BTN3A2: variants seen among roughly 807,000 people sequenced by gnomAD.
The protein encoded by BTN3A2 is butyrophilin subfamily 3 member A2.
BTN3A2 carries 25 observed loss-of-function variants against 37.6 expected under a neutral mutation model. The ratio of observed to expected loss-of-function variants is 0.66; its 90% confidence interval spans 0.48 to 0.93. The LOEUF (loss-of-function observed/expected upper bound fraction) is 0.93, where lower values mean the gene tolerates loss of function less well. BTN3A2 is among the 40% of genes least tolerant of loss of function. The pLI is 0.00. For missense variants in BTN3A2, 266 were observed against 410.9 expected (o/e 0.65, Z 3.05); for synonymous variants, 122 against 159.4 (o/e 0.77, Z 1.77).
chr6:26,374,336 A>G lies in BTN3A2; in HGVS notation c.974A>G (p.Glu325Gly), dbSNP rs144958425. The change falls in exon 9 of 11, where the codon GAG becomes GGG. Residue 325 changes from glutamate to glycine, a missense_variant. Physicochemically the swap from Glu to Gly is moderately conservative, Grantham distance 98 (BLOSUM62 -2). Coordinates refer to ENST00000377708, the MANE Select transcript of BTN3A2 (RefSeq NM_007047.5). ...CTTTCTTTCATTGTAGGTGGAGAGGAGTCTTCGTCCGATACCAATAAGTCA... is the reference window on the plus strand; with the variant it reads ...CTTTCTTTCATTGTAGGTGGAGAGGGGTCTTCGTCCGATACCAATAAGTCA... Reference protein sequence around the residue: ...KKIQYLTRGEESSSDTNKSA With the variant: ...KKIQYLTRGEGSSSDTNKSA 1.1e-5 allele frequency: 17 copies of G among 1,610,038 alleles called. No individual in the cohort carries two copies. In the African/African-American group the frequency reaches 1.9e-4, roughly 18 times the overall value.
intron 8 of BTN3A2, 78 bp downstream of exon 8, chr6:26,373,491 A>G: frequency 6.5e-7 from 1 of 1,527,720 alleles, no homozygotes; most frequent in East Asian, 2.3e-5. Flanking sequence ...CCCATAAGTC[A>G]TAGCCCAGGG....
In BTN3A2 at chr6:26,372,916, C is replaced by A; in HGVS notation, c.735C>A (p.Ala245=). 6.2e-7 allele frequency: 1 copy of A among 1,613,672 alleles called. No homozygotes were observed. The highest frequency in any genetic ancestry group is 2.2e-5 in the East Asian group (1 of 44,900). ...ISIADPFFRS[A]QPWIAALAGT... ...TCGCAGACCCCTTCTTCAGGAGCGC[C>A]CAGCCCTGGATCGCAGCCCTGGCAG... is the stretch of plus-strand genomic sequence containing the variant. Residue 245 remains alanine (A), a synonymous_variant, in exon 6 of 11, where the codon GCC becomes GCA. Transcript: ENST00000377708.
intron 9 of BTN3A2, 117 bp downstream of exon 9, chr6:26,374,490 G>A: frequency 8.6e-7 from 1 of 1,168,054 alleles, no homozygotes; most frequent in Non-Finnish European, 1.3e-6. Flanking sequence ...TGTGTGGTGG[G>A]GGTTCACCTC....
chr6:26,369,999 G>C (rs536712451), intron 4 of BTN3A2, among the ~76,000 whole-genome samples: 15 of 152,318 alleles, frequency 9.8e-5, no homozygotes, highest in African/African-American at 2.9e-4. Flanking sequence ...TTACCCTCAG[G>C]CTGGCTGCAT....
At chr6:26,371,661 TTC>T (rs1358267387) in intron 5 of BTN3A2, among the ~76,000 whole-genome samples, 1 of 152,088 alleles carries the variant, frequency 6.6e-6, no homozygotes, top group Non-Finnish European at 1.5e-5. Context: ...TGTGAAAGGT[TTC>T]TGTTTTTCGT....
Position 26,365,285 on chromosome 6 carries a change from G to T in BTN3A2, c.-134G>T. 6.5e-7 allele frequency: 1 copy of T among 1,531,812 alleles called. No individual in the cohort carries two copies. Among genetic ancestry groups the T allele is most frequent in the Non-Finnish European group, 8.7e-7 (1 of 1,143,062 alleles). 94.9% of individuals were successfully genotyped at this position (1,531,812 alleles called of 1,614,324 possible). A position where few individuals can be genotyped will look rare whatever the true frequency, so the allele number is the denominator to read the frequency against. On this transcript the variant is annotated 5_prime_UTR_variant, in exon 1 of 11. Coordinates refer to ENST00000377708, the MANE Select transcript of BTN3A2 (RefSeq NM_007047.5). Reference sequence around the variant, plus strand: ...ATGAGAGGCTAAGCCATAATAGAAAGAATGGAGAATTATTGATTGACCGTC... The same window carrying T: ...ATGAGAGGCTAAGCCATAATAGAAATAATGGAGAATTATTGATTGACCGTC...
Position 26,376,725 on chromosome 6 carries a change from ATGT to A in BTN3A2, c.*964_*966del. ...CTGTGTGCTTGGCTGTGAAAGCTTC[ATGT>A]CAGAGAGACACTACTGGGAGGTGGA... On this transcript the variant is annotated 3_prime_UTR_variant, in exon 11 of 11. Transcript: ENST00000377708. 9 of 1,585,992 alleles carry A rather than the reference ATGT, an allele frequency of 5.7e-6. No homozygotes were observed. Among genetic ancestry groups the A allele is most frequent in the Middle Eastern group, 1.7e-4 (1 of 5,994 alleles).
Position 26,373,402 on chromosome 6 carries a change from A to C in BTN3A2, c.953A>C (p.Gln318Pro). The change falls in exon 8 of 11, where the codon CAG becomes CCG. Residue 318 changes from glutamine (Q) to proline (P), a missense_variant. Coordinates refer to ENST00000377708, the MANE Select transcript of BTN3A2 (RefSeq NM_007047.5). Reference sequence around the variant, plus strand: ...TCCATTGCAGAGAGGAAAAAAATCCAGTACTTGACTCGTGAGTGGCTTTGA... The same window carrying C: ...TCCATTGCAGAGAGGAAAAAAATCCCGTACTTGACTCGTGAGTGGCTTTGA... ...LQEELKRKKI[Q>P]YLTRGEESSS... 6.2e-7 allele frequency: 1 copy of C among 1,601,256 alleles called. No homozygotes were observed. The highest frequency in any genetic ancestry group is 8.5e-7 in the Non-Finnish European group (1 of 1,176,588).
In BTN3A2 at chr6:26,368,669, G is replaced by T. The variant is rs1301412314; in HGVS notation, c.190G>T (p.Glu64Ter). Reference protein sequence around the residue: ...LFPTMSAETMELKWVSSSLRQ... With the variant: ...LFPTMSAETM The stretch of plus-strand genomic sequence containing the variant: ...CCCGACCATGAGTGCAGAGACCATG[G>T]AGCTGAAGTGGGTAAGTTCCAGCCT... The change falls in exon 4 of 11, where the codon GAG (glutamate) becomes TAG (stop). Residue 64 changes from glutamate (E) to a stop codon, truncating the protein, a stop_gained. Coordinates refer to ENST00000377708, the MANE Select transcript of BTN3A2 (RefSeq NM_007047.5). LOFTEE classifies it high-confidence loss of function. 6.2e-7 allele frequency: 1 copy of T among 1,614,078 alleles called. No homozygotes were observed. Among genetic ancestry groups the T allele is most frequent in the South Asian group, 1.1e-5 (1 of 91,084 alleles).
chr6:26,373,237 CTTTTTTTTTTTTTT>C (rs750198408), intron 6 of BTN3A2, 25 bp from the exon 7 acceptor site: 12 of 1,352,836 alleles, frequency 8.9e-6, no homozygotes, highest in Non-Finnish European at 1.2e-5. Context: ...AACAGTTCAT[CTTTTTTTTTTTTTT>C]TTTTTTTTTT....
Position 26,370,328 on chromosome 6 carries a change from G to A in BTN3A2, c.440G>A (p.Gly147Asp). The A allele has an allele frequency of 6.2e-7, 1 of 1,614,162 alleles. No individual in the cohort carries two copies. The highest frequency in any genetic ancestry group is 2.2e-5 in the East Asian group (1 of 44,882). Reference sequence around the variant, plus strand: ...CCAAATTATCCTTCCACAGCACTGGGTTCTAATCTTCACGTCGAAGTGAAG... The same window carrying A: ...CCAAATTATCCTTCCACAGCACTGGATTCTAATCTTCACGTCGAAGTGAAG... ...ALVELKVAAL[G>D]SNLHVEVKGY... Residue 147 changes from glycine (G) to aspartate (D), a missense_variant, in exon 5 of 11, where the codon GGT becomes GAT. Around this residue, in one of 3 missense-constraint regions of BTN3A2, gnomAD observed 204 missense variants for 232.6 expected, o/e 0.88. Transcript: ENST00000377708.
At chr6:26,374,232 A>ATGGATGC in intron 8 of BTN3A2, 95 bp from the exon 9 acceptor site, 1 of 504,330 alleles carries the variant, frequency 2.0e-6, no homozygotes, top group Non-Finnish European at 3.3e-6. Flanking sequence ...AAAAAAAAAA[A>ATGGATGC]AAAAAAAAGA....
intron 4 of BTN3A2, among the ~76,000 whole-genome samples, chr6:26,369,435 G>A (rs1444128059): frequency 6.6e-6 from 1 of 152,212 alleles, no homozygotes; most frequent in Non-Finnish European, 1.5e-5. Flanking sequence ...TCAGTAAGAA[G>A]GTGTTAGAGC....
intron 5 of BTN3A2, 197 bp from the exon 6 acceptor site, chr6:26,372,700 A>G (rs1760232805): frequency 1.7e-6 from 1 of 587,648 alleles, no homozygotes; most frequent in Non-Finnish European, 2.9e-6. Context: ...AAGATAAGTA[A>G]TAGTAGTAGC....
chr6:26,374,820 C>T (rs997527520), intron 10 of BTN3A2, 22 bp downstream of exon 10: 1 of 1,506,780 alleles, frequency 6.6e-7, no homozygotes, highest in Admixed American at 1.8e-5. Context: ...ACTGCATGTT[C>T]CCTGGACCAA....
rs1759717131 is a variant in BTN3A2 at position 26,368,253 on chromosome 6, T to G, written c.71T>G (p.Leu24Arg). Residue 24 changes from leucine to arginine, a missense_variant, in exon 3 of 11, where the codon CTC (leucine) becomes CGC (arginine). Transcript: ENST00000377708. The part of the protein sequence containing the change: ...FHVSLLLVQL[L>R]TPCSAQFSVL... Reference sequence around the variant, plus strand: ...GTCTCCCTCCTCTTGGTCCAGCTGCTCACTCCTTGCTCAGGTAGGGAATGA... The same window carrying G: ...GTCTCCCTCCTCTTGGTCCAGCTGCGCACTCCTTGCTCAGGTAGGGAATGA... The G allele has an allele frequency of 1.9e-6, 3 of 1,614,242 alleles. No individual in the cohort carries two copies. The highest frequency in any genetic ancestry group is 2.5e-6 in the Non-Finnish European group (3 of 1,180,042).
At chr6:26,369,569 C>G (rs190000235) in intron 4 of BTN3A2, among the ~76,000 whole-genome samples, 35 of 152,148 alleles carry the variant, frequency 2.3e-4, no homozygotes, top group Admixed American at 1.5e-3. Context: ...TGAGTGAGAG[C>G]CTTAATCAAT....
chr6:26,368,292 C>T (rs752663527), intron 3 of BTN3A2, 25 bp downstream of exon 3: 30 of 1,609,598 alleles, frequency 1.9e-5, no homozygotes, highest in Non-Finnish European at 2.1e-5. Flanking sequence ...CATGATTCCA[C>T]ATTTATGTTT....
In BTN3A2 at chr6:26,370,410, A is replaced by G. The variant is rs776816738; in HGVS notation, c.522A>G (p.Gln174=). 5.0e-6 allele frequency: 8 copies of G among 1,614,018 alleles called. No homozygotes were observed. The East Asian group carries it at 1.3e-4, about 27-fold the overall frequency. Residue 174 remains glutamine, a synonymous_variant, in exon 5 of 11, where the codon CAA becomes CAG. Coordinates refer to ENST00000377708, the MANE Select transcript of BTN3A2 (RefSeq NM_007047.5). The part of the protein sequence containing the change: ...LECRSTGWYP[Q]PQIQWSNAKG... ...GCAGGTCCACCGGCTGGTACCCCCAACCCCAAATACAGTGGAGCAACGCCA... is the reference window on the plus strand; with the variant it reads ...GCAGGTCCACCGGCTGGTACCCCCAGCCCCAAATACAGTGGAGCAACGCCA...
Sources: allele counts gnomAD v4.1 joint callset (sites outside exome capture counted in the v4.1 genomes callset), GRCh38; gene constraint gnomAD v4.1.1; regional missense constraint gnomAD v4.1.1; transcripts MANE v1.5; gene names NCBI Gene and HGNC (gene_info 2026-07-23, HGNC 2026-07-21).